FAM53A: variants seen among roughly 807,000 people sequenced by gnomAD.
FAM53A encodes the protein family with sequence similarity 53 member A, also known as protein FAM53A.
A neutral mutation model predicts 26.6 loss-of-function variants in FAM53A; 28 were observed. That is an observed-to-expected ratio of 1.05 (90% CI 0.78 to 1.45). The LOEUF is 1.45. FAM53A is among the 40% of genes most tolerant of loss of function. FAM53A has a pLI of 0.00. For synonymous variants in FAM53A, 290 were observed against 253.1 expected, an observed-to-expected ratio of 1.15 and a Z score of -1.38; for missense variants, 650 against 575.8, an observed-to-expected ratio of 1.13 and a Z score of -1.32.
At chr4:1,616,648 G>A (rs1343356834), downstream of FAM53A, among the ~76,000 whole-genome samples, 1 of 152,252 alleles carries the variant, frequency 6.6e-6, no homozygotes, top group African/African-American at 2.4e-5. Context: ...AACCAGAAGT[G>A]GTTGAGGGAA....
the FAM53A span, among the ~76,000 whole-genome samples, chr4:1,583,073 T>G: frequency 6.6e-6 from 1 of 152,186 alleles, no homozygotes; most frequent in Non-Finnish European, 1.5e-5. Flanking sequence ...AACAAAGTGA[T>G]AGTTAACTCT....
chr4:1,653,450 G>A (rs377697966), intron 4 of FAM53A, among the ~76,000 whole-genome samples: 1 of 152,068 alleles, frequency 6.6e-6, no homozygotes, highest in Non-Finnish European at 1.5e-5. Flanking sequence ...GCCCCACAAC[G>A]TGCTGAGCCG....
At chr4:1,657,521 A>G (rs1713485914) in intron 2 of FAM53A, 53 bp from the exon 3 acceptor site, 1 of 1,497,902 alleles carries the variant, frequency 6.7e-7, no homozygotes, top group Non-Finnish European at 9.3e-7. Context: ...GAATTCGGCA[A>G]TAATATCCCC....
the FAM53A span, among the ~76,000 whole-genome samples, chr4:1,585,893 T>TTG: frequency 0.017 from 2,550 of 151,190 alleles, 62 homozygotes; most frequent in African/African-American, 0.058. Flanking sequence ...CCTGGCTAAT[T>TTG]TGTGTGTGTG....
chr4:1,627,189 G>T (rs1387716774), intron 1 of FAM53A, among the ~76,000 whole-genome samples: 2 of 152,150 alleles, frequency 1.3e-5, no homozygotes, highest in African/African-American at 4.8e-5. Context: ...GGTCCCCACC[G>T]GCCCCAGCAC....
chr4:1,617,449 T>C (rs970475921), downstream of FAM53A, among the ~76,000 whole-genome samples: 2 of 152,184 alleles, frequency 1.3e-5, no homozygotes, highest in Non-Finnish European at 2.9e-5. Flanking sequence ...CTGGTGTCCA[T>C]TTAGTTCCCC....
At chr4:1,648,247 C>A (rs1712420465) in intron 4 of FAM53A, among the ~76,000 whole-genome samples, 1 of 152,100 alleles carries the variant, frequency 6.6e-6, no homozygotes, top group South Asian at 2.1e-4. Context: ...GACAGGTAAC[C>A]CAGGCTGGGG....
At chr4:1,669,338 G>A (rs917276378) in intron 1 of FAM53A, among the ~76,000 whole-genome samples, 1 of 152,238 alleles carries the variant, frequency 6.6e-6, no homozygotes, top group Non-Finnish European at 1.5e-5. Flanking sequence ...AGCCAGCTAG[G>A]CAAGCGCTCC....
chr4:1,652,020 ACAC>A (rs1355067784), intron 4 of FAM53A, among the ~76,000 whole-genome samples: 1 of 79,110 alleles, frequency 1.3e-5, no homozygotes, highest in East Asian at 2.3e-4. Flanking sequence ...CGTCACACAC[ACAC>A]CACACACGCC....
the FAM53A span, among the ~76,000 whole-genome samples, chr4:1,590,415 G>A: frequency 6.6e-6 from 1 of 152,210 alleles, no homozygotes; most frequent in African/African-American, 2.4e-5. Flanking sequence ...TTTGATGCTG[G>A]TGGGGAATTC....
chr4:1,658,598 C>A (rs1283615793), intron 2 of FAM53A, among the ~76,000 whole-genome samples: 1 of 152,242 alleles, frequency 6.6e-6, no homozygotes, highest in Non-Finnish European at 1.5e-5. Context: ...AGGAAAGCCA[C>A]AGGGCGTGGT....
At chr4:1,627,110 C>G (rs1715342340) in intron 1 of FAM53A, among the ~76,000 whole-genome samples, 1 of 152,204 alleles carries the variant, frequency 6.6e-6, no homozygotes, top group African/African-American at 2.4e-5. Flanking sequence ...CCGGTGCCCC[C>G]AGGTCGGCCC....
At chr4:1,646,675 G>A (rs1712276064) in intron 4 of FAM53A, among the ~76,000 whole-genome samples, 1 of 152,144 alleles carries the variant, frequency 6.6e-6, no homozygotes, top group African/African-American at 2.4e-5. Context: ...AACGCAGCGG[G>A]CCTGAAGGTG....
the FAM53A span, among the ~76,000 whole-genome samples, chr4:1,578,340 C>T: frequency 2.8e-3 from 433 of 152,316 alleles, no homozygotes; most frequent in African/African-American, 0.01. Flanking sequence ...GCCTGCACCC[C>T]GTCTGCGTGC....
chr4:1,648,184 G>C (rs1329064062), intron 4 of FAM53A, among the ~76,000 whole-genome samples: 1 of 152,160 alleles, frequency 6.6e-6, no homozygotes, highest in African/African-American at 2.4e-5. Flanking sequence ...ACTCCAGCCA[G>C]GGCAACAGAG....
At chr4:1,586,254 C>T in the FAM53A span, among the ~76,000 whole-genome samples, 6 of 151,700 alleles carry the variant, frequency 4.0e-5, no homozygotes, top group African/African-American at 1.2e-4. Flanking sequence ...AGTGCAGTGG[C>T]GCGATCTCGG....
At chr4:1,654,130 G>A (rs988199828) in intron 4 of FAM53A, among the ~76,000 whole-genome samples, 6 of 152,170 alleles carry the variant, frequency 3.9e-5, no homozygotes, top group South Asian at 2.1e-4. Context: ...AGCCCCACTC[G>A]GCCCTGGCTG....
chr4:1,601,148 C>G, the FAM53A span, among the ~76,000 whole-genome samples: 1 of 152,132 alleles, frequency 6.6e-6, no homozygotes, highest in Non-Finnish European at 1.5e-5. Flanking sequence ...AGACCCTGTC[C>G]GCTGAGTCAG....
At chr4:1,627,610 G>C (rs952834166) in intron 1 of FAM53A, among the ~76,000 whole-genome samples, 2 of 152,180 alleles carry the variant, frequency 1.3e-5, no homozygotes, top group Admixed American at 6.5e-5. Flanking sequence ...GATCCTTCTT[G>C]TCCTCTCCAC....
Sources: gnomAD v4.1 joint callset for allele counts (sites outside exome capture counted in the v4.1 genomes callset) on GRCh38, gnomAD v4.1.1 for gene constraint, MANE v1.5 for transcripts, NCBI Gene and HGNC (gene_info 2026-07-23, HGNC 2026-07-21) for gene names.